COL6A5: variants seen among roughly 807,000 people sequenced by gnomAD.
The protein encoded by COL6A5 is collagen type VI alpha 5 chain.
Under a neutral mutation model 65.6 loss-of-function variants are expected in COL6A5, and 48 were observed. That is an observed-to-expected ratio of 0.73 (90% CI 0.58 to 0.93). The LOEUF (loss-of-function observed/expected upper bound fraction) is 0.93. COL6A5 is among the 40% of genes least tolerant of loss of function. COL6A5 has a pLI of 0.00. For missense variants in COL6A5, 914 were observed against 928.3 expected, an observed-to-expected ratio of 0.98 and a Z score of 0.20; for synonymous variants, 291 against 322.8, an observed-to-expected ratio of 0.90 and a Z score of 1.05.
intron 5 of COL6A5, among the ~76,000 whole-genome samples, chr3:130,462,196 G>C (rs1194358697): frequency 6.6e-6 from 1 of 152,046 alleles, no homozygotes; most frequent in Non-Finnish European, 1.5e-5. Flanking sequence ...TGCCTCCTTT[G>C]TTGCCCCAAC....
At chr3:130,471,770 G>C in intron 7 of COL6A5, 1 of 1,534,810 alleles carries the variant, frequency 6.5e-7, no homozygotes, top group Non-Finnish European at 8.7e-7. Context: ...CCTTGTATTA[G>C]GGAACAATCA....
At chr3:130,428,096 G>C (rs1188392192), upstream of COL6A5, among the ~76,000 whole-genome samples, 1 of 152,148 alleles carries the variant, frequency 6.6e-6, no homozygotes, top group Non-Finnish European at 1.5e-5. Context: ...CAGCATTGGA[G>C]GGTTTGGGAT....
intron 19 of COL6A5, 35 bp from the exon 20 acceptor site, chr3:130,410,436 T>C: frequency 6.7e-7 from 1 of 1,502,234 alleles, no homozygotes; most frequent in Non-Finnish European, 9.1e-7. Flanking sequence ...CAGAATTTTT[T>C]CCTTTTGATC....
intron 1 of COL6A5, 77 bp downstream of exon 1, chr3:130,346,058 AG>A: frequency 2.5e-6 from 1 of 398,384 alleles, no homozygotes. Flanking sequence ...GGATGTGAGA[AG>A]GATTCTCCTT....
Position 130,444,665 on chromosome 3 carries a change from C to T in COL6A5, c.1332+1099C>T, listed in dbSNP as rs142818877. ...CTGGTCCAGCACACTAAAAACAAGCCGATTAAACAGAGAAACATAATTCCA... is the reference window on the plus strand; with the variant it reads ...CTGGTCCAGCACACTAAAAACAAGCTGATTAAACAGAGAAACATAATTCCA... On this transcript the variant is annotated intron_variant, in intron 4 of 7. Coordinates refer to ENST00000512836, the Ensembl canonical transcript of COL6A5. Among the ~76,000 whole-genome samples, 1,132 of 152,112 alleles carry T rather than the reference C, an allele frequency of 7.4e-3. 28 individuals carry two copies. The highest frequency in any genetic ancestry group is 0.053 in the East Asian group (275 of 5,148).
upstream of COL6A5, among the ~76,000 whole-genome samples, chr3:130,427,793 G>A (rs1937638084): frequency 6.6e-6 from 1 of 151,980 alleles, no homozygotes; most frequent in Admixed American, 6.6e-5. Flanking sequence ...CAGAAAAATG[G>A]CATTACAGAG....
intron 3 of COL6A5, among the ~76,000 whole-genome samples, chr3:130,441,131 G>A (rs1400624170): frequency 6.6e-6 from 1 of 152,102 alleles, no homozygotes; most frequent in Non-Finnish European, 1.5e-5. Context: ...CAGCAGTTAG[G>A]TGATTTCAGA....
At chr3:130,385,293 G>A in exon 5 of COL6A5, 1 of 1,550,936 alleles carries the variant, frequency 6.4e-7, no homozygotes, top group African/African-American at 1.4e-5. Context: ...GAAAGGGTTA[G>A]CTTTGGGCAG....
chr3:130,393,742 G>C (rs1936489891), intron 7 of COL6A5, among the ~76,000 whole-genome samples: 1 of 152,198 alleles, frequency 6.6e-6, no homozygotes, highest in Non-Finnish European at 1.5e-5. Flanking sequence ...GAGCTCTGAA[G>C]CAAATTTCGC....
At chr3:130,400,497 A>G (rs1024525998) in intron 10 of COL6A5, among the ~76,000 whole-genome samples, 2 of 152,256 alleles carry the variant, frequency 1.3e-5, no homozygotes, top group Non-Finnish European at 2.9e-5. Flanking sequence ...ATGAGTGAAT[A>G]GATGAATTAA....
At chr3:130,481,204 A>AC (rs894768343) in intron 7 of COL6A5, among the ~76,000 whole-genome samples, 3 of 74,908 alleles carry the variant, frequency 4.0e-5, no homozygotes, top group African/African-American at 9.1e-5. Context: ...TTTGCCCCCC[A>AC]CCCCCCGACA....
At chr3:130,434,850 G>C (rs1030925164) in intron 1 of COL6A5, among the ~76,000 whole-genome samples, 1 of 152,152 alleles carries the variant, frequency 6.6e-6, no homozygotes, top group Admixed American at 6.5e-5. Context: ...ACCTTTGTCA[G>C]ATGGGTAGAT....
At chr3:130,352,150 C>T (rs1038082380) in intron 1 of COL6A5, among the ~76,000 whole-genome samples, 1 of 152,086 alleles carries the variant, frequency 6.6e-6, no homozygotes, top group Admixed American at 6.6e-5. Flanking sequence ...CACACTGGGG[C>T]CTGTCAGCAG....
chr3:130,377,587 G>T lies in COL6A5; in HGVS notation c.667+751G>T, dbSNP rs182027807. On this transcript the variant is annotated intron_variant and NMD_transcript_variant, in intron 3 of 41. Transcript: ENST00000312481. ...GCAATGCAGTGGACTGCATTCTGCT[G>T]TGTTGAGCCCTGCATCTGCTGTGTT... Among the ~76,000 whole-genome samples, 234 of 152,326 alleles carry T rather than the reference G, an allele frequency of 1.5e-3. 1 individual carries two copies. Among genetic ancestry groups the T allele is most frequent in the African/African-American group, 4.6e-3 (192 of 41,582 alleles).
chr3:130,372,987 CTGAT>C (rs1000607233), intron 1 of COL6A5, among the ~76,000 whole-genome samples: 23 of 152,196 alleles, frequency 1.5e-4, no homozygotes, highest in Admixed American at 1.5e-3. Context: ...ATGAAGCATT[CTGAT>C]TGATTGTGAA....
At chr3:130,466,809 A>G (rs1365123920) in intron 5 of COL6A5, among the ~76,000 whole-genome samples, 1 of 152,030 alleles carries the variant, frequency 6.6e-6, no homozygotes, top group Non-Finnish European at 1.5e-5. Flanking sequence ...AAGGATAACC[A>G]GGGAATATTA....
intron 3 of COL6A5, among the ~76,000 whole-genome samples, chr3:130,377,987 T>G (rs964587646): frequency 6.6e-6 from 1 of 152,174 alleles, no homozygotes; most frequent in Non-Finnish European, 1.5e-5. Context: ...ACTGGAGGAA[T>G]AGTGATAAGT....
chr3:130,431,859 C>T, exon 1 of COL6A5: 2 of 1,551,598 alleles, frequency 1.3e-6, no homozygotes, highest in Non-Finnish European at 1.7e-6. Flanking sequence ...GTAGGTCATC[C>T]ATCATCACGG....
At chr3:130,408,837 A>G (rs776401865) in intron 17 of COL6A5, among the ~76,000 whole-genome samples, 50 of 152,362 alleles carry the variant, frequency 3.3e-4, no homozygotes, top group Non-Finnish European at 6.5e-4. Flanking sequence ...CCCCCGATAG[A>G]ACATCCCTGT....
Sources: allele counts gnomAD v4.1 joint callset (sites outside exome capture counted in the v4.1 genomes callset), GRCh38; gene constraint gnomAD v4.1.1; transcripts MANE v1.5; gene names NCBI Gene and HGNC (gene_info 2026-07-23, HGNC 2026-07-21).